Variants in COL5A2 observed in about 807,000 individuals in gnomAD.
The protein encoded by COL5A2 is collagen type V alpha 2 chain.
COL5A2 carries 23 observed loss-of-function variants against 208.2 expected under a neutral mutation model. The ratio of observed to expected loss-of-function variants is 0.11; its 90% CI spans 0.08 to 0.16. The LOEUF is 0.16. Ranked by LOEUF, COL5A2 falls within the 10% of genes least tolerant of loss-of-function variation. The probability of loss-of-function intolerance (pLI) is 1.00; values close to 1 mark genes in which losing one functional copy is unlikely to be tolerated. For missense variants in COL5A2, 1,590 were observed against 1,956.4 expected, an observed-to-expected ratio of 0.81 and a Z score of 3.53; for synonymous variants, 625 against 628.5, an observed-to-expected ratio of 0.99 and a Z score of 0.08.
intron 23 of COL5A2, among the ~76,000 whole-genome samples, chr2:189,065,428 C>T (rs923340573): frequency 5.3e-5 from 8 of 151,964 alleles, no homozygotes; most frequent in South Asian, 4.1e-4. Context: ...ACTCAAAAGG[C>T]TGAGGCACAA....
chr2:189,170,584 G>A (rs369710314), intron 1 of COL5A2, among the ~76,000 whole-genome samples: 2 of 152,146 alleles, frequency 1.3e-5, no homozygotes, highest in South Asian at 2.1e-4. Flanking sequence ...GTTAGATGTG[G>A]GAACAGTAAA....
chr2:189,335,280 C>T, the COL5A2 span, among the ~76,000 whole-genome samples: 1 of 151,992 alleles, frequency 6.6e-6, no homozygotes. Context: ...TCACAAACCA[C>T]AATCAACAGA....
At chr2:189,267,791 GT>G in the COL5A2 span, among the ~76,000 whole-genome samples, 1 of 152,042 alleles carries the variant, frequency 6.6e-6, no homozygotes, top group Non-Finnish European at 1.5e-5. Flanking sequence ...AACATAAATG[GT>G]TTACTAAAAG....
chr2:189,133,745 G>A (rs1279997985), intron 1 of COL5A2, among the ~76,000 whole-genome samples: 2 of 152,160 alleles, frequency 1.3e-5, no homozygotes, highest in Non-Finnish European at 2.9e-5. Flanking sequence ...GCTAGAAAAA[G>A]AAGCTAGAGA....
intron 1 of COL5A2, among the ~76,000 whole-genome samples, chr2:189,139,137 C>T (rs1044073549): frequency 3.3e-5 from 5 of 151,980 alleles, no homozygotes; most frequent in South Asian, 2.1e-4. Context: ...AGGCTTGGCG[C>T]GGTGGCTCAC....
At chr2:189,221,255 G>C (rs1442909902) in intron 1 of COL5A2, among the ~76,000 whole-genome samples, 1 of 152,154 alleles carries the variant, frequency 6.6e-6, no homozygotes, top group Non-Finnish European at 1.5e-5. Context: ...TTGAAGTTCA[G>C]CTTTTGTTCA....
rs146648810 is a variant in COL5A2, at chr2:189,081,040, C to T, written c.856G>A (p.Ala286Thr). Residue 286 changes from alanine to threonine, a missense_variant, in exon 13 of 54, where the codon GCT (alanine) becomes ACT (threonine). Transcript: ENST00000374866. ...GEVGFAGSPG[A>T]RGFPGAPGLP... Reference sequence around the variant, plus strand: ...CCAGGAGCCCCAGGAAATCCACGAGCTCCCTGGGAGGAAAACATAGATAGG... The same window carrying T: ...CCAGGAGCCCCAGGAAATCCACGAGTTCCCTGGGAGGAAAACATAGATAGG... 3.8e-5 allele frequency: 62 copies of T among 1,613,040 alleles called. No homozygotes were observed. The highest frequency in any genetic ancestry group is 4.8e-5 in the Non-Finnish European group (57 of 1,179,290).
intron 1 of COL5A2, among the ~76,000 whole-genome samples, chr2:189,220,472 A>C (rs1458867523): frequency 4.9e-5 from 1 of 20,474 alleles, no homozygotes. Flanking sequence ...TGTATTAACA[A>C]AAAAAAAAAA....
At chr2:189,073,276 T>C (rs1172748494) in intron 17 of COL5A2, among the ~76,000 whole-genome samples, 1 of 152,212 alleles carries the variant, frequency 6.6e-6, no homozygotes, top group Non-Finnish European at 1.5e-5. Flanking sequence ...CAGTTTTTCC[T>C]GTTGCAGCAA....
chr2:189,404,282 G>A, the COL5A2 span, among the ~76,000 whole-genome samples: 3 of 152,180 alleles, frequency 2.0e-5, no homozygotes, highest in African/African-American at 4.8e-5. Context: ...AATGTGGGTA[G>A]CCATCATTTA....
At chr2:189,257,208 A>C in the COL5A2 span, among the ~76,000 whole-genome samples, 14 of 152,134 alleles carry the variant, frequency 9.2e-5, no homozygotes, top group Non-Finnish European at 1.9e-4. Flanking sequence ...AATTTACCCC[A>C]CATTACTTGC....
intron 47 of COL5A2, among the ~76,000 whole-genome samples, chr2:189,044,894 G>T (rs1018862921): frequency 1.3e-5 from 2 of 151,998 alleles, no homozygotes; most frequent in Non-Finnish European, 2.9e-5. Context: ...AGCTCAGAGA[G>T]AAATGCACTA....
chr2:189,141,279 C>T (rs1687929763), intron 1 of COL5A2, among the ~76,000 whole-genome samples: 2 of 152,006 alleles, frequency 1.3e-5, no homozygotes, highest in South Asian at 4.1e-4. Context: ...ATAATAAATA[C>T]CATCTAGTGT....
intron 23 of COL5A2, among the ~76,000 whole-genome samples, 159 bp from the exon 24 acceptor site, chr2:189,065,216 A>C (rs531978669): frequency 5.7e-4 from 87 of 152,328 alleles, no homozygotes; most frequent in African/African-American, 2.0e-3. Flanking sequence ...CGATGGAAAA[A>C]CTTTAAAATT....
At chr2:189,354,208 C>G in the COL5A2 span, among the ~76,000 whole-genome samples, 8 of 152,176 alleles carry the variant, frequency 5.3e-5, no homozygotes, top group Middle Eastern at 6.8e-3. Context: ...ATTTTCGCAT[C>G]GATGTTCATC....
rs576589331 is a variant in COL5A2, at chr2:189,144,160, G to A, written c.98-33711C>T. On this transcript the variant is annotated intron_variant, in intron 1 of 53. Coordinates refer to ENST00000374866, the MANE Select transcript of COL5A2 (RefSeq NM_000393.5). The stretch of plus-strand genomic sequence containing the variant: ...CATGTTGCTGTGATGCAAGACTCTT[G>A]GGCCTCTGAAAACAGTGAACATAAA... 6.4e-4 allele frequency among the ~76,000 whole-genome samples: 98 copies of A among 152,138 alleles called. 1 individual carries two copies. In the South Asian group the frequency reaches 0.02, roughly 31 times the overall value.
At chr2:189,230,076 T>C (rs1002439073), upstream of COL5A2, among the ~76,000 whole-genome samples, 1 of 151,712 alleles carries the variant, frequency 6.6e-6, no homozygotes, top group Admixed American at 6.6e-5. Context: ...CAAGAATACA[T>C]AAGGGGATAA....
chr2:189,269,522 T>C, the COL5A2 span, among the ~76,000 whole-genome samples: 1 of 152,182 alleles, frequency 6.6e-6, no homozygotes. Flanking sequence ...TTGGTTCTAT[T>C]TATGTGATGC....
At chr2:189,425,645 A>C in the COL5A2 span, among the ~76,000 whole-genome samples, 1 of 152,126 alleles carries the variant, frequency 6.6e-6, no homozygotes, top group Non-Finnish European at 1.5e-5. Context: ...TCCCCACCCC[A>C]ATCTTATGTT....
Sources: allele counts gnomAD v4.1 joint callset (sites outside exome capture counted in the v4.1 genomes callset), GRCh38; gene constraint gnomAD v4.1.1; transcripts MANE v1.5; gene names NCBI Gene and HGNC (gene_info 2026-07-23, HGNC 2026-07-21).